The following ANKFN1 variants were observed in gnomAD, a reference collection of about 807,000 sequenced individuals.
ANKFN1 encodes ankyrin repeat and fibronectin type III domain containing 1.
Under a neutral mutation model 108.7 loss-of-function variants are expected in ANKFN1, and 74 were observed. The observed-to-expected ratio is 0.68, with a 90% CI of 0.56 to 0.83. The LOEUF is 0.83. Among genes scored for constraint, ANKFN1 ranks in the 40% least tolerant of loss-of-function variants. The probability of loss-of-function intolerance (pLI) is 0.00; values close to 1 mark genes in which losing one functional copy is unlikely to be tolerated. For missense variants in ANKFN1, 1,505 were observed against 1,382.3 expected, an observed-to-expected ratio of 1.09 and a Z score of -1.41; for synonymous variants, 547 against 516.2, an observed-to-expected ratio of 1.06 and a Z score of -0.81.
At chr17:56,376,611 A>C (rs1352836726) in intron 8 of ANKFN1, among the ~76,000 whole-genome samples, 1 of 152,198 alleles carries the variant, frequency 6.6e-6, no homozygotes, top group Middle Eastern at 3.2e-3. Context: ...TGAGTGAGCT[A>C]TCAGGAACCA....
At chr17:56,216,775 A>G (rs928957588) in intron 2 of ANKFN1, among the ~76,000 whole-genome samples, 1 of 152,202 alleles carries the variant, frequency 6.6e-6, no homozygotes, top group African/African-American at 2.4e-5. Flanking sequence ...CACATTGTTA[A>G]TGATGCCGCT....
At chr17:56,209,118 T>C (rs1354320992) in intron 1 of ANKFN1, among the ~76,000 whole-genome samples, 1 of 152,150 alleles carries the variant, frequency 6.6e-6, no homozygotes, top group East Asian at 1.9e-4. Flanking sequence ...TAACTCCTTT[T>C]CTTCCATTCA....
intron 3 of ANKFN1, among the ~76,000 whole-genome samples, chr17:56,232,934 CTAGA>C (rs1425806929): frequency 2.6e-5 from 4 of 152,168 alleles, no homozygotes; most frequent in South Asian, 2.1e-4. Context: ...ACCTCAAGGG[CTAGA>C]TAGTCTGAAT....
At chr17:56,052,893 G>T (rs1904802476) in intron 4 of ANKFN1, among the ~76,000 whole-genome samples, 2 of 152,186 alleles carry the variant, frequency 1.3e-5, no homozygotes, top group South Asian at 4.1e-4. Context: ...CCACTTGAAA[G>T]TTGTAGGACC....
intron 8 of ANKFN1, among the ~76,000 whole-genome samples, chr17:56,425,176 A>G (rs2048522467): frequency 6.6e-6 from 1 of 151,616 alleles, no homozygotes; most frequent in African/African-American, 2.4e-5. Flanking sequence ...CATTCCTATG[A>G]GAGCTTGTGA....
intron 1 of ANKFN1, among the ~76,000 whole-genome samples, chr17:56,187,954 CTAGCATTAGGAGATA>C: frequency 6.6e-6 from 1 of 151,962 alleles, no homozygotes; most frequent in Non-Finnish European, 1.5e-5. Context: ...TGGGGGAGGG[CTAGCATTAGGAGATA>C]TACTGAATGT....
rs1348965644 is a variant in ANKFN1 at position 56,188,589 on chromosome 17, A to G, written c.-70-24009A>G. ...TGTGTGTGTGTGTGTGTGTATATAT[A>G]TATATATATATATATATATATATAT... On this transcript the variant is annotated intron_variant, in intron 1 of 20. Transcript: ENST00000682825. Among the ~76,000 whole-genome samples the G allele has an allele frequency of 2.7e-3, 298 of 110,306 alleles. 2 individuals carry two copies. Among genetic ancestry groups the G allele is most frequent in the East Asian group, 0.012 (48 of 3,934 alleles). The allele number at this position is 110,306 out of a possible 152,430, so 72.4% of individuals were successfully genotyped here. A position where few individuals can be genotyped will look rare whatever the true frequency, so the allele number is the denominator to read the frequency against.
chr17:56,061,469 C>T (rs1904975321), intron 4 of ANKFN1, among the ~76,000 whole-genome samples: 4 of 151,788 alleles, frequency 2.6e-5, no homozygotes, highest in Admixed American at 2.6e-4. Flanking sequence ...GACAGTGTTT[C>T]TCCATGTTGG....
At chr17:56,478,653 T>G (rs935284618) in intron 16 of ANKFN1, among the ~76,000 whole-genome samples, 1 of 150,118 alleles carries the variant, frequency 6.7e-6, no homozygotes, top group African/African-American at 2.5e-5. Flanking sequence ...TCTGCTATAA[T>G]GAACTGAATT....
intron 4 of ANKFN1, among the ~76,000 whole-genome samples, chr17:56,048,147 C>T (rs934867368): frequency 6.6e-6 from 1 of 152,164 alleles, no homozygotes; most frequent in South Asian, 2.1e-4. Flanking sequence ...GTACAACTTT[C>T]ATAGAGATTA....
At position 56,050,466 on chromosome 17, in the gene ANKFN1, C is replaced by A. The variant is rs571161816; in HGVS notation, c.288+4141C>A. 4.2e-3 allele frequency among the ~76,000 whole-genome samples: 549 copies of A among 129,326 alleles called. 5 individuals carry two copies. The highest frequency in any genetic ancestry group is 7.2e-3 in the Non-Finnish European group (446 of 61,650). 84.8% of individuals were successfully genotyped at this position (129,326 alleles called of 152,430 possible). A position where few individuals can be genotyped will look rare whatever the true frequency, so the allele number is the denominator to read the frequency against. On this transcript the variant is annotated intron_variant, in intron 4 of 12. Coordinates refer to the ANKFN1 transcript ENST00000635860. Reference sequence around the variant, plus strand: ...GGTGTTTTGGACATGAAGTCCTTGCCCATGCCTATGTCCTGAATGGTAATG... The same window carrying A: ...GGTGTTTTGGACATGAAGTCCTTGCACATGCCTATGTCCTGAATGGTAATG...
intron 1 of ANKFN1, among the ~76,000 whole-genome samples, chr17:56,197,690 T>A (rs1021457034): frequency 6.6e-6 from 1 of 152,206 alleles, no homozygotes; most frequent in Non-Finnish European, 1.5e-5. Context: ...CAAATCCCCT[T>A]AAAAACACTT....
At chr17:56,253,696 C>A (rs1026226586) in intron 3 of ANKFN1, among the ~76,000 whole-genome samples, 1 of 152,056 alleles carries the variant, frequency 6.6e-6, no homozygotes, top group Non-Finnish European at 1.5e-5. Flanking sequence ...CCGAGATCAC[C>A]CCGCTGCACT....
chr17:56,469,364 G>T (rs1450624138), intron 15 of ANKFN1, among the ~76,000 whole-genome samples: 1 of 151,868 alleles, frequency 6.6e-6, no homozygotes, highest in African/African-American at 2.4e-5. Flanking sequence ...ATTATATCAG[G>T]AGTTGGCCCC....
intron 3 of ANKFN1, among the ~76,000 whole-genome samples, chr17:56,311,606 G>A (rs1326424098): frequency 2.0e-5 from 3 of 152,216 alleles, no homozygotes; most frequent in Non-Finnish European, 4.4e-5. Flanking sequence ...GAATGGCAGT[G>A]ATGCCAAACA....
At chr17:56,465,011 TG>T (rs1257953800) in intron 14 of ANKFN1, among the ~76,000 whole-genome samples, 2 of 152,222 alleles carry the variant, frequency 1.3e-5, no homozygotes, top group Non-Finnish European at 2.9e-5. Context: ...TGTCAAACTC[TG>T]GGTAGTTTGA....
rs1446638348 is a variant in ANKFN1, at chr17:56,510,572, ACCTGGTC to A, written c.2745_2751del (p.Leu916ThrfsTer15). On this transcript the variant is annotated frameshift_variant, in exon 21 of 21. Transcript: ENST00000682825. LOFTEE classifies it low-confidence loss of function (END_TRUNC). ...GATGCCCTGAGCCCCAGAGACCTGG[ACCTGGTC>A]TACCTATCATCTCACGACATTGCGC... is the stretch of plus-strand genomic sequence containing the variant. 5 of 1,535,904 alleles carry A rather than the reference ACCTGGTC, an allele frequency of 3.3e-6. No individual in the cohort carries two copies. Among genetic ancestry groups the A allele is most frequent in the Non-Finnish European group, 4.4e-6 (5 of 1,146,770 alleles).
intron 3 of ANKFN1, among the ~76,000 whole-genome samples, chr17:56,320,656 A>C (rs1372889698): frequency 6.6e-6 from 1 of 152,118 alleles, no homozygotes; most frequent in South Asian, 2.1e-4. Flanking sequence ...CAGGACAAGA[A>C]GGCTTTTCAG....
intron 6 of ANKFN1, among the ~76,000 whole-genome samples, chr17:56,360,087 G>A (rs1244052712): frequency 6.6e-6 from 1 of 152,148 alleles, no homozygotes; most frequent in Non-Finnish European, 1.5e-5. Flanking sequence ...CAGCCAATAA[G>A]AATATGTAAA....
Sources: gnomAD v4.1 joint callset for allele counts (sites outside exome capture counted in the v4.1 genomes callset) on GRCh38, gnomAD v4.1.1 for gene constraint, MANE v1.5 for transcripts, NCBI Gene and HGNC (gene_info 2026-07-23, HGNC 2026-07-21) for gene names.